NHERF1: variants seen among roughly 807,000 people sequenced by gnomAD.
NHERF1 encodes NHERF family PDZ scaffold protein 1.
chr17:74,749,099 G>T, the NHERF1 span: 1 of 1,584,410 alleles, frequency 6.3e-7, no homozygotes. The surrounding 1 kb of genome is among the most constrained non-coding windows in gnomAD (Gnocchi z 5.6). Flanking sequence ...CGCACTCAAC[G>T]CCGTGCGCCT....
chr17:74,764,408 G>A, the NHERF1 span, among the ~76,000 whole-genome samples: 1 of 152,306 alleles, frequency 6.6e-6, no homozygotes, highest in African/African-American at 2.4e-5. This position sits in a 1 kb window ranked among gnomAD's most constrained non-coding sequence, Gnocchi z 4.9. Flanking sequence ...GATGGCCCCT[G>A]GAAGTCCCTA....
chr17:74,766,488 C>G, the NHERF1 span, among the ~76,000 whole-genome samples: 1 of 151,794 alleles, frequency 6.6e-6, no homozygotes. Context: ...CTGGTGTGAG[C>G]CACTATGCCT....
At chr17:74,758,721 G>C in the NHERF1 span, among the ~76,000 whole-genome samples, 1 of 152,156 alleles carries the variant, frequency 6.6e-6, no homozygotes, top group African/African-American at 2.4e-5. The surrounding 1 kb of genome is among the most constrained non-coding windows in gnomAD (Gnocchi z 4.3). Flanking sequence ...AACATGCCTG[G>C]ACGTCACTCC....
the NHERF1 span, among the ~76,000 whole-genome samples, chr17:74,751,496 T>C: frequency 1.3e-5 from 2 of 152,232 alleles, no homozygotes; most frequent in African/African-American, 4.8e-5. This position sits in a 1 kb window ranked among gnomAD's most constrained non-coding sequence, Gnocchi z 4.3. Flanking sequence ...AGAGAGTGGT[T>C]GGCTGGGTGG....
chr17:74,753,562 A>G, the NHERF1 span, among the ~76,000 whole-genome samples: 1 of 152,138 alleles, frequency 6.6e-6, no homozygotes, highest in African/African-American at 2.4e-5. Flanking sequence ...CTGTTAACTC[A>G]GTAATTCTGG....
the NHERF1 span, among the ~76,000 whole-genome samples, chr17:74,762,650 T>C: frequency 2.6e-4 from 39 of 152,098 alleles, no homozygotes; most frequent in African/African-American, 9.4e-4. The surrounding 1 kb of genome is among the most constrained non-coding windows in gnomAD (Gnocchi z 4.2). Context: ...CTCCGCCTCC[T>C]GGGTTCAAGC....
At chr17:74,763,373 G>A in the NHERF1 span, 105 of 1,613,374 alleles carry the variant, frequency 6.5e-5, no homozygotes, top group South Asian at 1.1e-3. Flanking sequence ...GCAGGTGAAC[G>A]GGGTCTGCAT....
chr17:74,756,922 TA>T, the NHERF1 span, among the ~76,000 whole-genome samples: 1 of 152,192 alleles, frequency 6.6e-6, no homozygotes, highest in Non-Finnish European at 1.5e-5. Context: ...TGAAGGTTCT[TA>T]ATAGCCCCTT....
the NHERF1 span, among the ~76,000 whole-genome samples, chr17:74,756,277 T>C: frequency 1.2e-4 from 14 of 117,362 alleles, no homozygotes; most frequent in East Asian, 4.6e-4. Context: ...TTCTTTCTTT[T>C]TTTTTTTTTT....
the NHERF1 span, among the ~76,000 whole-genome samples, chr17:74,758,828 A>C: frequency 6.6e-6 from 1 of 152,180 alleles, no homozygotes; most frequent in South Asian, 2.1e-4. The surrounding 1 kb of genome is among the most constrained non-coding windows in gnomAD (Gnocchi z 4.3). Flanking sequence ...CAGGTACCCC[A>C]CACCTCCCCA....
the NHERF1 span, chr17:74,762,154 C>T: frequency 6.2e-7 from 1 of 1,613,978 alleles, no homozygotes; most frequent in Non-Finnish European, 8.5e-7. The surrounding 1 kb of genome is among the most constrained non-coding windows in gnomAD (Gnocchi z 4.2). Flanking sequence ...GGGCTCCGGG[C>T]CCAGGATCGC....
chr17:74,767,065 C>T, the NHERF1 span: 1 of 1,255,366 alleles, frequency 8.0e-7, no homozygotes, highest in Non-Finnish European at 1.2e-6. Context: ...GGATAGCCAT[C>T]TGACTAAGGC....
At chr17:74,768,679 C>T in the NHERF1 span, 1 of 1,601,730 alleles carries the variant, frequency 6.2e-7, no homozygotes, top group Non-Finnish European at 8.5e-7. Flanking sequence ...CACCCAGTGA[C>T]TGGCAGGGCC....
At chr17:74,760,683 C>T in the NHERF1 span, among the ~76,000 whole-genome samples, 1 of 152,212 alleles carries the variant, frequency 6.6e-6, no homozygotes, top group Non-Finnish European at 1.5e-5. This position sits in a 1 kb window ranked among gnomAD's most constrained non-coding sequence, Gnocchi z 4.5. Context: ...AATCTCACTC[C>T]CAGCTTCCTA....
At chr17:74,763,994 C>G in the NHERF1 span, among the ~76,000 whole-genome samples, 1 of 152,202 alleles carries the variant, frequency 6.6e-6, no homozygotes, top group Non-Finnish European at 1.5e-5. Context: ...CTTGCTGGCT[C>G]TAGAGAGTAG....
chr17:74,763,498 C>T, the NHERF1 span: 3 of 1,602,878 alleles, frequency 1.9e-6, no homozygotes, highest in Non-Finnish European at 2.6e-6. Flanking sequence ...GCAGAGTGAT[C>T]CCATCTCAGG....
the NHERF1 span, chr17:74,748,909 GA>G: frequency 6.2e-7 from 1 of 1,600,642 alleles, no homozygotes; most frequent in Non-Finnish European, 8.5e-7. The surrounding 1 kb of genome is among the most constrained non-coding windows in gnomAD (Gnocchi z 4.3). Context: ...AGAAGGGTCC[GA>G]ACGGCTACGG....
At chr17:74,763,398 A>G in the NHERF1 span, 4 of 1,614,142 alleles carry the variant, frequency 2.5e-6, no homozygotes, top group Non-Finnish European at 2.5e-6. Flanking sequence ...GGGAAGCAGC[A>G]TGGGGACGTG....
At chr17:74,758,011 T>C in the NHERF1 span, among the ~76,000 whole-genome samples, 210 of 152,246 alleles carry the variant, frequency 1.4e-3, no homozygotes, top group African/African-American at 4.8e-3. The surrounding 1 kb of genome is among the most constrained non-coding windows in gnomAD (Gnocchi z 4.3). Flanking sequence ...CGGGCTGGGC[T>C]GTTTCTGTAG....
Sources: allele counts gnomAD v4.1 joint callset (sites outside exome capture counted in the v4.1 genomes callset), GRCh38; gene constraint gnomAD v4.1.1; non-coding constraint Gnocchi (gnomAD v3.1); transcripts MANE v1.5; gene names NCBI Gene and HGNC (gene_info 2026-07-23, HGNC 2026-07-21).